KIRREL3: variants seen among roughly 807,000 people sequenced by gnomAD.
KIRREL3 encodes kirre like nephrin family adhesion molecule 3, also known as kin of IRRE-like protein 3.
A neutral mutation model predicts 89.7 loss-of-function variants in KIRREL3; 36 were observed. That is an observed-to-expected ratio of 0.40 (90% CI 0.31 to 0.53). The LOEUF (loss-of-function observed/expected upper bound fraction) is 0.53. KIRREL3 is among the 20% of genes least tolerant of loss of function. The probability of loss-of-function intolerance (pLI) is 0.49; values close to 1 mark genes in which losing one functional copy is unlikely to be tolerated. For missense variants in KIRREL3, 864 were observed against 1,056.6 expected (o/e 0.82, Z 2.53); for synonymous variants, 445 against 441.4 (o/e 1.01, Z -0.10).
At chr11:126,596,280 T>C (rs1224740877) in intron 1 of KIRREL3, among the ~76,000 whole-genome samples, 1 of 135,240 alleles carries the variant, frequency 7.4e-6, no homozygotes, top group Non-Finnish European at 1.7e-5. Context: ...ACCTGGCATA[T>C]GGTAGATGTT....
rs1055474203 is a variant in KIRREL3 at position 126,683,857 on chromosome 11, G to C, written c.56-120945C>G. Among the ~76,000 whole-genome samples the C allele has an allele frequency of 6.6e-6, 1 of 152,222 alleles. No homozygotes were observed. The highest frequency in any genetic ancestry group is 1.5e-5 in the Non-Finnish European group (1 of 68,050). ...GTCTTGAAACCCTCGCCAGGCCCCA[G>C]ACGCGCGTGGGTCCACCTACCGTCC... On this transcript the variant is annotated intron_variant, in intron 1 of 16. Coordinates refer to ENST00000525144, the MANE Select transcript of KIRREL3 (RefSeq NM_032531.4). The surrounding 1 kb of genome is among the most constrained non-coding windows in gnomAD (Gnocchi z 5.2).
At position 126,900,198 on chromosome 11, in the gene KIRREL3, T is replaced by C. The variant is rs1224715200; in HGVS notation, c.55+100257A>G. ...ATACAGCTCTCATGTGCCTAATTTA[T>C]AGCAAGTCACCTACTACTAGAACAT... On this transcript the variant is annotated intron_variant, in intron 1 of 16. Coordinates refer to ENST00000525144, the MANE Select transcript of KIRREL3 (RefSeq NM_032531.4). The surrounding 1 kb of genome is among the most constrained non-coding windows in gnomAD (Gnocchi z 4.4). Among the ~76,000 whole-genome samples, 1 of 152,206 alleles carries C rather than the reference T, an allele frequency of 6.6e-6. No individual in the cohort carries two copies.
At chr11:126,806,240 T>C (rs974944392) in intron 1 of KIRREL3, among the ~76,000 whole-genome samples, 2 of 152,190 alleles carry the variant, frequency 1.3e-5, no homozygotes, top group Non-Finnish European at 2.9e-5. Context: ...ACATTCTCCC[T>C]CATGTGCTCA....
At chr11:126,586,823 T>A (rs1206912336) in intron 1 of KIRREL3, among the ~76,000 whole-genome samples, 4 of 152,042 alleles carry the variant, frequency 2.6e-5, no homozygotes, top group African/African-American at 9.7e-5. Context: ...TGCTGGGGCC[T>A]CCTTGGTAAC....
At position 126,996,290 on chromosome 11, in the gene KIRREL3, A is replaced by T. The variant is rs1950177576; in HGVS notation, c.55+4165T>A. 6.6e-6 allele frequency among the ~76,000 whole-genome samples: 1 copy of T among 152,210 alleles called. No homozygotes were observed. The highest frequency in any genetic ancestry group is 1.5e-5 in the Non-Finnish European group (1 of 68,036). ...GGGTTCTGGTAGGAGGGAGAAACAC[A>T]CATTACTTCCCTCATCTTTTGTTTT... is the stretch of plus-strand genomic sequence containing the variant. On this transcript the variant is annotated intron_variant, in intron 1 of 16. Coordinates refer to ENST00000525144, the MANE Select transcript of KIRREL3 (RefSeq NM_032531.4). This position sits in a 1 kb window ranked among gnomAD's most constrained non-coding sequence, Gnocchi z 4.7.
chr11:126,510,011 A>AG (rs1860644666), intron 4 of KIRREL3, among the ~76,000 whole-genome samples: 1 of 149,554 alleles, frequency 6.7e-6, no homozygotes. Flanking sequence ...AAAAAAAAAA[A>AG]AAAAAAAGAA....
intron 1 of KIRREL3, among the ~76,000 whole-genome samples, chr11:126,902,228 C>A (rs1308197747): frequency 2.6e-5 from 4 of 152,152 alleles, no homozygotes; most frequent in African/African-American, 9.7e-5. Flanking sequence ...TTGATGCTGG[C>A]AAGGAAATAC....
At chr11:126,899,587 A>G (rs1366141309) in intron 1 of KIRREL3, among the ~76,000 whole-genome samples, 1 of 152,184 alleles carries the variant, frequency 6.6e-6, no homozygotes, top group Non-Finnish European at 1.5e-5. Flanking sequence ...CTGGATCACC[A>G]CTCAACCTTT....
chr11:126,702,436 C>A (rs924137426), intron 1 of KIRREL3, among the ~76,000 whole-genome samples: 3 of 151,432 alleles, frequency 2.0e-5, no homozygotes. Context: ...CCACACTGTT[C>A]CCATTACTCA....
rs1943684239 is a variant in KIRREL3, at chr11:126,624,109, C to A, written c.56-61197G>T. On this transcript the variant is annotated intron_variant, in intron 1 of 16. Coordinates refer to ENST00000525144, the MANE Select transcript of KIRREL3 (RefSeq NM_032531.4). This position sits in a 1 kb window ranked among gnomAD's most constrained non-coding sequence, Gnocchi z 6.0. ...GGATGTTGATTTAGTGCTTTGAGAT[C>A]CCTGGAAGACAGGTCAGGCAACTAA... 1.3e-5 allele frequency among the ~76,000 whole-genome samples: 2 copies of A among 152,108 alleles called. No individual in the cohort carries two copies. The highest frequency in any genetic ancestry group is 4.8e-5 in the African/African-American group (2 of 41,404).
chr11:126,663,993 G>A (rs936390176), intron 1 of KIRREL3, among the ~76,000 whole-genome samples: 1 of 152,246 alleles, frequency 6.6e-6, no homozygotes, highest in African/African-American at 2.4e-5. Context: ...GAATTTTCCT[G>A]AGAGTGTGTG....
intron 1 of KIRREL3, among the ~76,000 whole-genome samples, chr11:126,972,881 T>C (rs545186415): frequency 1.6e-4 from 24 of 152,180 alleles, no homozygotes; most frequent in African/African-American, 5.8e-4. Flanking sequence ...TTTTTCATTT[T>C]CCGCCATCGT....
intron 4 of KIRREL3, among the ~76,000 whole-genome samples, chr11:126,514,848 AC>A (rs1958353153): frequency 6.8e-6 from 1 of 146,570 alleles, no homozygotes; most frequent in African/African-American, 2.6e-5. Flanking sequence ...ACAACACAAC[AC>A]AACACAACAC....
Position 126,435,379 on chromosome 11 carries a change from T to C in KIRREL3, c.1553-76A>G, listed in dbSNP as rs963449643. The C allele has an allele frequency of 1.9e-5, 28 of 1,480,200 alleles. No homozygotes were observed. In the Middle Eastern group the frequency reaches 1.0e-3, roughly 54 times the overall value. 91.7% of individuals were successfully genotyped at this position (1,480,200 alleles called of 1,614,324 possible). A position where few individuals can be genotyped will look rare whatever the true frequency, so the allele number is the denominator to read the frequency against. ...TGGGGTGGGACTGGGAATTAGCTGCTTGAGCGGGGCTGGGTGAGGGGCTCC... is the reference window on the plus strand; with the variant it reads ...TGGGGTGGGACTGGGAATTAGCTGCCTGAGCGGGGCTGGGTGAGGGGCTCC... On this transcript the variant is annotated intron_variant, in intron 12 of 16. Coordinates refer to ENST00000525144, the MANE Select transcript of KIRREL3 (RefSeq NM_032531.4).
chr11:126,693,636 TAGTC>T (rs1203320493), intron 1 of KIRREL3, among the ~76,000 whole-genome samples: 1 of 118,718 alleles, frequency 8.4e-6, no homozygotes, highest in African/African-American at 3.1e-5. Flanking sequence ...CACACACCCA[TAGTC>T]AGAGGAAGCC....
At chr11:126,726,782 C>A (rs555092467) in intron 1 of KIRREL3, among the ~76,000 whole-genome samples, 1 of 152,338 alleles carries the variant, frequency 6.6e-6, no homozygotes, top group African/African-American at 2.4e-5. Context: ...CCTACACATG[C>A]CAATGTGTTG....
Position 126,752,527 on chromosome 11 carries a change from G to A in KIRREL3, c.56-189615C>T, listed in dbSNP as rs144127297. On this transcript the variant is annotated intron_variant, in intron 1 of 16. Coordinates refer to ENST00000525144, the MANE Select transcript of KIRREL3 (RefSeq NM_032531.4). The surrounding 1 kb of genome is among the most constrained non-coding windows in gnomAD (Gnocchi z 4.8). The stretch of plus-strand genomic sequence containing the variant: ...AATAAGACCACTGAGTGTTGTTCTT[G>A]AAAACTGATGCAGAATTAGAGAATA... Among the ~76,000 whole-genome samples, 494 of 152,256 alleles carry A rather than the reference G, an allele frequency of 3.2e-3. 3 individuals carry two copies. The highest frequency in any genetic ancestry group is 0.011 in the African/African-American group (471 of 41,536).
rs191784262 is a variant in KIRREL3, at chr11:126,970,015, G to A, written c.55+30440C>T. On this transcript the variant is annotated intron_variant, in intron 1 of 16. Transcript: ENST00000525144. The surrounding 1 kb of genome is among the most constrained non-coding windows in gnomAD (Gnocchi z 4.4). The stretch of plus-strand genomic sequence containing the variant: ...TATCTGAGTTAAGACAACGCAATAC[G>A]AAAGAAAATCTGGCTAAAATTAGCC... 4.6e-5 allele frequency among the ~76,000 whole-genome samples: 7 copies of A among 152,256 alleles called. No homozygotes were observed. In the East Asian group the frequency reaches 1.4e-3, roughly 29 times the overall value.
chr11:126,553,850 A>T lies in KIRREL3; in HGVS notation c.133+8985T>A, dbSNP rs972711337. On this transcript the variant is annotated intron_variant, in intron 2 of 16. Transcript: ENST00000525144. The surrounding 1 kb of genome is among the most constrained non-coding windows in gnomAD (Gnocchi z 4.7). ...CCTCTACCATTGTTCATTTTTTTCC[A>T]TCACTATTAGGAAAACAGCATGCAA... 6.6e-6 allele frequency among the ~76,000 whole-genome samples: 1 copy of T among 152,066 alleles called. No homozygotes were observed. Among genetic ancestry groups the T allele is most frequent in the Admixed American group, 6.5e-5 (1 of 15,274 alleles).
Sources: allele counts gnomAD v4.1 joint callset (sites outside exome capture counted in the v4.1 genomes callset), GRCh38; gene constraint gnomAD v4.1.1; non-coding constraint Gnocchi (gnomAD v3.1); transcripts MANE v1.5; gene names NCBI Gene and HGNC (gene_info 2026-07-23, HGNC 2026-07-21).